The following ANKS1B variants were observed in gnomAD, a reference collection of about 807,000 sequenced individuals.
ANKS1B encodes the protein ankyrin repeat and sterile alpha motif domain-containing protein 1B.
ANKS1B carries 36 observed loss-of-function variants against 148.3 expected under a neutral mutation model. The observed-to-expected ratio is 0.24, with a 90% CI of 0.19 to 0.32. ANKS1B has a LOEUF of 0.32. ANKS1B is among the 10% of genes least tolerant of loss of function. The pLI, the probability that ANKS1B is intolerant of heterozygous loss-of-function variation, is 1.00. For synonymous variants in ANKS1B, 542 were observed against 560.8 expected (o/e 0.97, Z 0.47); for missense variants, 1,157 against 1,542.6 (o/e 0.75, Z 4.19).
chr12:98,902,605 C>T (rs1460230057), intron 17 of ANKS1B, among the ~76,000 whole-genome samples: 9 of 152,144 alleles, frequency 5.9e-5, no homozygotes, highest in Admixed American at 3.9e-4. Flanking sequence ...GGACTCCGAC[C>T]GTGGTTCAAG....
chr12:99,302,933 T>G, intron 12 of ANKS1B, among the ~76,000 whole-genome samples: 1 of 152,164 alleles, frequency 6.6e-6, no homozygotes, highest in Admixed American at 6.6e-5. Flanking sequence ...TAAAATCTAG[T>G]GCCATGAGAA....
intron 9 of ANKS1B, among the ~76,000 whole-genome samples, chr12:99,574,080 A>G (rs2153224135): frequency 6.6e-6 from 1 of 152,138 alleles, no homozygotes; most frequent in East Asian, 1.9e-4. Flanking sequence ...CCACACATCC[A>G]GTGTTTTGTC....
intron 3 of ANKS1B, among the ~76,000 whole-genome samples, chr12:99,807,361 CA>C (rs1437663564): frequency 2.0e-5 from 3 of 152,042 alleles, no homozygotes; most frequent in Non-Finnish European, 2.9e-5. Flanking sequence ...AGTTGAAAAT[CA>C]ATGAGATTTT....
chr12:98,737,902 C>T (rs762446911), intron 9 of ANKS1B, among the ~76,000 whole-genome samples: 6 of 152,248 alleles, frequency 3.9e-5, no homozygotes, highest in Admixed American at 2.6e-4. Context: ...TGAACTTTAA[C>T]GAAGGAGAAA....
At chr12:99,372,272 G>C (rs1459255113) in intron 12 of ANKS1B, among the ~76,000 whole-genome samples, 1 of 151,760 alleles carries the variant, frequency 6.6e-6, no homozygotes, top group Non-Finnish European at 1.5e-5. Flanking sequence ...ACTCAATTTT[G>C]CTGTGAACCT....
chr12:98,812,456 T>C (rs1862248969), intron 19 of ANKS1B, among the ~76,000 whole-genome samples: 1 of 152,236 alleles, frequency 6.6e-6, no homozygotes, highest in African/African-American at 2.4e-5. Context: ...TAACGATGCA[T>C]TTCTCAGAAC....
intron 1 of ANKS1B, among the ~76,000 whole-genome samples, chr12:99,955,528 A>G (rs2095308655): frequency 7.8e-6 from 1 of 128,200 alleles, no homozygotes; most frequent in South Asian, 2.4e-4. Flanking sequence ...AAAAAAAAAA[A>G]GGCCTTCTCC....
intron 1 of ANKS1B, among the ~76,000 whole-genome samples, chr12:99,912,988 CTCT>C (rs1328187561): frequency 6.6e-6 from 1 of 152,098 alleles, no homozygotes; most frequent in African/African-American, 2.4e-5. Flanking sequence ...ATTTATCATC[CTCT>C]TCGTGATACC....
At chr12:99,771,167 C>T (rs745385611) in intron 8 of ANKS1B, among the ~76,000 whole-genome samples, 5 of 151,976 alleles carry the variant, frequency 3.3e-5, no homozygotes, top group South Asian at 2.1e-4. Context: ...ATTGGGTAAA[C>T]GAAAAATAAT....
At chr12:98,742,467 T>A (rs2097806820), downstream of ANKS1B, among the ~76,000 whole-genome samples, 1 of 152,230 alleles carries the variant, frequency 6.6e-6, no homozygotes. Flanking sequence ...GTGCAATATG[T>A]TGGCTGCAGA....
chr12:99,345,833 C>G (rs2090591324), intron 12 of ANKS1B, among the ~76,000 whole-genome samples: 1 of 151,876 alleles, frequency 6.6e-6, no homozygotes, highest in Non-Finnish European at 1.5e-5. Context: ...TGGTTGGTAC[C>G]CAGCCTGAGC....
intron 14 of ANKS1B, among the ~76,000 whole-genome samples, chr12:99,194,415 T>C (rs1164354795): frequency 2.6e-5 from 4 of 151,804 alleles, no homozygotes; most frequent in African/African-American, 9.7e-5. Flanking sequence ...TTAGTTTAAA[T>C]ATATATATTT....
chr12:99,345,016 T>C (rs2090466180), intron 12 of ANKS1B: 1 of 152,106 alleles, frequency 6.6e-6, no homozygotes, highest in Non-Finnish European at 1.5e-5. Context: ...ATTTGTCGGC[T>C]TTGGACCATG....
chr12:99,757,903 C>T (rs1367207553), intron 8 of ANKS1B, among the ~76,000 whole-genome samples: 1 of 151,776 alleles, frequency 6.6e-6, no homozygotes, highest in Non-Finnish European at 1.5e-5. Flanking sequence ...AACACACAGA[C>T]AAATAGAGAA....
chr12:99,018,448 T>A (rs1310449678), intron 17 of ANKS1B, among the ~76,000 whole-genome samples: 1 of 152,178 alleles, frequency 6.6e-6, no homozygotes, highest in Admixed American at 6.5e-5. Flanking sequence ...TGATGCTGAC[T>A]CCCTAAAGTC....
chr12:99,814,609 A>G (rs1565781339), intron 2 of ANKS1B, among the ~76,000 whole-genome samples: 2 of 151,790 alleles, frequency 1.3e-5, no homozygotes, highest in African/African-American at 4.8e-5. Flanking sequence ...ATACCTATGA[A>G]TAACAAAAGC....
intron 17 of ANKS1B, among the ~76,000 whole-genome samples, chr12:98,835,758 CAGAT>C (rs1188386176): frequency 1.3e-5 from 2 of 151,934 alleles, no homozygotes; most frequent in African/African-American, 4.9e-5. Flanking sequence ...AGATGATAGA[CAGAT>C]AGACAGGAAA....
chr12:99,287,624 C>T (rs2079318735), intron 12 of ANKS1B, among the ~76,000 whole-genome samples: 1 of 152,030 alleles, frequency 6.6e-6, no homozygotes, highest in African/African-American at 2.4e-5. Context: ...ATTCAAAATA[C>T]CTGTTTTTAG....
chr12:99,071,760 G>A lies in ANKS1B; in HGVS notation c.2625+13165C>T, dbSNP rs12311600. Among the ~76,000 whole-genome samples the A allele has an allele frequency of 6.7e-3, 1,014 of 151,682 alleles. 14 individuals are homozygous for A. Among genetic ancestry groups the A allele is most frequent in the African/African-American group, 0.023 (967 of 41,342 alleles). ...CCTCCCGGGTTCAAGTGATTCTCCCGCCTCAGGCACCCAAGTAGCTGAAAC... is the reference window on the plus strand; with the variant it reads ...CCTCCCGGGTTCAAGTGATTCTCCCACCTCAGGCACCCAAGTAGCTGAAAC... On this transcript the variant is annotated intron_variant, in intron 16 of 26. Transcript: ENST00000683438.
Sources: allele counts gnomAD v4.1 joint callset (sites outside exome capture counted in the v4.1 genomes callset), GRCh38; gene constraint gnomAD v4.1.1; transcripts MANE v1.5; gene names NCBI Gene and HGNC (gene_info 2026-07-23, HGNC 2026-07-21).